The following NTM variants were observed in gnomAD, a reference collection of about 807,000 sequenced individuals.
NTM encodes the protein neurotrimin, also known as IgLON family member 2.
A neutral mutation model predicts 42.1 loss-of-function variants in NTM; 13 were observed. The observed-to-expected ratio is 0.31, with a 90% CI of 0.20 to 0.49. NTM has a LOEUF of 0.49. Ranked by LOEUF, NTM falls within the 20% of genes least tolerant of loss-of-function variation. The probability of loss-of-function intolerance (pLI) is 0.99; values close to 1 mark genes in which losing one functional copy is unlikely to be tolerated. For missense variants in NTM, 373 were observed against 452.8 expected, an observed-to-expected ratio of 0.82 and a Z score of 1.60; for synonymous variants, 187 against 179.2, an observed-to-expected ratio of 1.04 and a Z score of -0.35.
chr11:132,063,581 C>T (rs4145053), intron 2 of NTM, among the ~76,000 whole-genome samples: 9 of 152,164 alleles, frequency 5.9e-5, no homozygotes, highest in Non-Finnish European at 8.8e-5. Flanking sequence ...CTACTGGAAT[C>T]GTGTGTCTCC....
At chr11:132,264,903 C>A (rs1469338317) in intron 4 of NTM, among the ~76,000 whole-genome samples, 1 of 152,182 alleles carries the variant, frequency 6.6e-6, no homozygotes, top group African/African-American at 2.4e-5. Context: ...TCTCCCTTCT[C>A]TTCTTATAAA....
intron 1 of NTM, among the ~76,000 whole-genome samples, chr11:131,910,490 C>T (rs892236173): frequency 6.6e-6 from 1 of 151,560 alleles, no homozygotes; most frequent in Non-Finnish European, 1.5e-5. Flanking sequence ...GCCCTCCCGC[C>T]GGGATGAGAG....
In NTM at chr11:132,314,915, A is replaced by G. The variant is rs1369544424; in HGVS notation, c.934+212A>G. The G allele has an allele frequency of 2.2e-6, 3 of 1,342,612 alleles. No individual in the cohort carries two copies. The African/African-American group carries it at 4.4e-5, about 20-fold the overall frequency. The allele number at this position is 1,342,612 out of a possible 1,614,324, so 83.2% of individuals were successfully genotyped here. A position where few individuals can be genotyped will look rare whatever the true frequency, so the allele number is the denominator to read the frequency against. ...CAGACAGAAAGAGAAAGAACAAGAG[A>G]TACAGTTTACATGTATACAAAGTAG... On this transcript the variant is annotated intron_variant, in intron 7 of 8. Transcript: ENST00000683400.
intron 2 of NTM, among the ~76,000 whole-genome samples, chr11:132,023,023 T>C (rs1393020891): frequency 7.8e-6 from 1 of 128,268 alleles, no homozygotes; most frequent in Admixed American, 8.1e-5. Flanking sequence ...GCTGGCTCCA[T>C]GTGAAGCTCA....
intron 1 of NTM, among the ~76,000 whole-genome samples, chr11:131,426,880 C>T (rs1948182291): frequency 6.6e-6 from 1 of 152,048 alleles, no homozygotes; most frequent in Non-Finnish European, 1.5e-5. Flanking sequence ...ACAGAAGCAC[C>T]TCACCCAATC....
intron 7 of NTM, among the ~76,000 whole-genome samples, chr11:132,326,126 C>G (rs1306307983): frequency 6.6e-6 from 1 of 151,878 alleles, no homozygotes; most frequent in Non-Finnish European, 1.5e-5. Flanking sequence ...ATGTAACAAA[C>G]CTGCACATTG....
At chr11:131,597,304 C>A (rs1474748320) in intron 1 of NTM, among the ~76,000 whole-genome samples, 1 of 152,136 alleles carries the variant, frequency 6.6e-6, no homozygotes, top group African/African-American at 2.4e-5. Flanking sequence ...TCTGTCTACC[C>A]CTTTGTGTCT....
At chr11:132,186,941 AG>A (rs371155262) in intron 3 of NTM, among the ~76,000 whole-genome samples, 2 of 152,000 alleles carry the variant, frequency 1.3e-5, no homozygotes, top group African/African-American at 2.4e-5. Context: ...ACACTTTCAG[AG>A]GGGGTTTGTG....
At chr11:132,228,487 T>C (rs958928329) in intron 4 of NTM, among the ~76,000 whole-genome samples, 2 of 152,170 alleles carry the variant, frequency 1.3e-5, no homozygotes, top group Non-Finnish European at 2.9e-5. Context: ...CTATTCTCAT[T>C]GCCACCATTG....
chr11:132,121,584 C>T (rs1192085368), intron 2 of NTM, among the ~76,000 whole-genome samples: 2 of 152,106 alleles, frequency 1.3e-5, no homozygotes, highest in African/African-American at 4.8e-5. Flanking sequence ...CTCCCTTTGA[C>T]CTAAGAAATC....
chr11:131,910,750 C>T, intron 1 of NTM: 2 of 835,740 alleles, frequency 2.4e-6, no homozygotes, highest in Non-Finnish European at 2.9e-6. Flanking sequence ...GGTCCGCTCC[C>T]GCCGCCCGGC....
At chr11:131,705,268 C>T (rs2076481726) in intron 1 of NTM, among the ~76,000 whole-genome samples, 1 of 152,152 alleles carries the variant, frequency 6.6e-6, no homozygotes, top group South Asian at 2.1e-4. Flanking sequence ...CCCTGTAGGA[C>T]TATCAGCAGA....
Position 131,595,906 on chromosome 11 carries a change from T to A in NTM, c.82+225018T>A, listed in dbSNP as rs370340241. ...AAAAGCAGTAGAAAGAAGCCAGGGG[T>A]TCTTGTCAACAGGACATAAAATACG... On this transcript the variant is annotated intron_variant, in intron 1 of 8. Coordinates refer to ENST00000683400, the MANE Select transcript of NTM (RefSeq NM_001352005.2). 1.0e-3 allele frequency among the ~76,000 whole-genome samples: 159 copies of A among 152,270 alleles called. 1 individual carries two copies. In the East Asian group the frequency reaches 0.021, roughly 20 times the overall value.
At chr11:131,446,488 T>G (rs559781013) in intron 1 of NTM, among the ~76,000 whole-genome samples, 1 of 152,202 alleles carries the variant, frequency 6.6e-6, no homozygotes, top group East Asian at 1.9e-4. Context: ...TCAGTAGAGA[T>G]GATAAACAGT....
At chr11:131,804,353 G>T (rs1334855699) in intron 1 of NTM, among the ~76,000 whole-genome samples, 3 of 152,100 alleles carry the variant, frequency 2.0e-5, no homozygotes, top group African/African-American at 7.2e-5. Context: ...TTGGGGTACG[G>T]CCACACTCAT....
intron 2 of NTM, among the ~76,000 whole-genome samples, chr11:131,987,056 A>G (rs2066180838): frequency 1.3e-5 from 2 of 152,132 alleles, no homozygotes; most frequent in Non-Finnish European, 2.9e-5. Context: ...TGCTTACATT[A>G]TTTCATTTAT....
intron 1 of NTM, among the ~76,000 whole-genome samples, chr11:131,847,488 G>A (rs2136760149): frequency 6.6e-6 from 1 of 152,202 alleles, no homozygotes; most frequent in South Asian, 2.1e-4. Context: ...CCTGTAGGCT[G>A]TGGCCAACCT....
intron 7 of NTM, among the ~76,000 whole-genome samples, chr11:132,329,590 C>T (rs749795223): frequency 1.4e-4 from 22 of 152,220 alleles, no homozygotes; most frequent in Non-Finnish European, 2.6e-4. Flanking sequence ...GTTTGGTCTC[C>T]TCTGGTACAT....
intron 3 of NTM, among the ~76,000 whole-genome samples, chr11:132,183,024 T>C (rs1164578257): frequency 6.6e-6 from 1 of 152,222 alleles, no homozygotes; most frequent in Non-Finnish European, 1.5e-5. Context: ...CCTCCCTGTG[T>C]TCCTGTCACA....
Sources: allele counts gnomAD v4.1 joint callset (sites outside exome capture counted in the v4.1 genomes callset), GRCh38; gene constraint gnomAD v4.1.1; transcripts MANE v1.5; gene names NCBI Gene and HGNC (gene_info 2026-07-23, HGNC 2026-07-21).